The following CCP110 variants were observed in gnomAD, a reference collection of about 807,000 sequenced individuals.
CCP110 encodes the protein centriolar coiled-coil protein 110, also known as centriolar coiled-coil protein of 110 kDa.
CCP110 carries 43 observed loss-of-function variants against 105.5 expected under a neutral mutation model. The observed-to-expected ratio is 0.41, with a 90% CI of 0.32 to 0.53. The LOEUF is 0.53. Among genes scored for constraint, CCP110 ranks in the 20% least tolerant of loss-of-function variants. The pLI is 0.32. For missense variants in CCP110, 1,016 were observed against 1,189.1 expected (o/e 0.85, Z 2.14); for synonymous variants, 353 against 392.1 (o/e 0.90, Z 1.18).
chr16:19,543,295 A>T (rs769531755), intron 8 of CCP110, among the ~76,000 whole-genome samples: 3 of 152,226 alleles, frequency 2.0e-5, no homozygotes, highest in Admixed American at 6.5e-5. Flanking sequence ...CTGAACATAA[A>T]TTGTGAAGAT....
exon 4 of CCP110, chr16:19,536,814 C>T (rs1970079888): frequency 2.5e-6 from 4 of 1,614,128 alleles, no homozygotes; most frequent in Non-Finnish European, 3.4e-6. Flanking sequence ...CGTTCCAGGA[C>T]ATCATCAGCG....
intron 2 of CCP110, among the ~76,000 whole-genome samples, chr16:19,530,188 T>C (rs1238114143): frequency 6.6e-6 from 1 of 151,932 alleles, no homozygotes; most frequent in Non-Finnish European, 1.5e-5. Flanking sequence ...CAGAGTGAGA[T>C]ACTGTCTTTA....
intron 4 of CCP110, 41 bp downstream of exon 4, chr16:19,537,628 A>G: frequency 8.8e-7 from 1 of 1,132,138 alleles, no homozygotes; most frequent in Non-Finnish European, 1.3e-6. Flanking sequence ...CTATGCAGAT[A>G]CCTTTATTTT....
intron 9 of CCP110, 22 bp downstream of exon 9, chr16:19,544,920 G>A (rs767105903): frequency 7.1e-6 from 9 of 1,270,920 alleles, no homozygotes; most frequent in South Asian, 3.8e-5. Context: ...GATCCTGAAG[G>A]CTTTTAAGAC....
Position 19,548,192 on chromosome 16 carries a change from T to A in CCP110, c.2900+178T>A, listed in dbSNP as rs1970524506. 1.5e-6 allele frequency: 1 copy of A among 645,904 alleles called. No individual in the cohort carries two copies. Among genetic ancestry groups the A allele is most frequent in the African/African-American group, 1.8e-5 (1 of 54,906 alleles). 40.0% of individuals were successfully genotyped at this position (645,904 alleles called of 1,614,324 possible). A position where few individuals can be genotyped will look rare whatever the true frequency, so the allele number is the denominator to read the frequency against. On this transcript the variant is annotated intron_variant, in intron 13 of 14. Transcript: ENST00000381396. The surrounding 1 kb of genome is among the most constrained non-coding windows in gnomAD (Gnocchi z 4.1). Reference sequence around the variant, plus strand: ...GTCTTCAAATGTAACCCTCTTGGTGTACTGTTGTGTATTCTAATTACTGTC... The same window carrying A: ...GTCTTCAAATGTAACCCTCTTGGTGAACTGTTGTGTATTCTAATTACTGTC...
Position 19,532,557 on chromosome 16 carries a change from A to G in CCP110, c.270+13A>G, listed in dbSNP as rs1227597289. ...TGACAATGTTCAGGTGTGTGATTTT[A>G]GCTGTTTCAGTTATAATAAAGAAAT... On this transcript the variant is annotated intron_variant, in intron 3 of 14. Coordinates refer to ENST00000381396, the Ensembl canonical transcript of CCP110. The G allele has an allele frequency of 4.5e-6, 7 of 1,571,354 alleles. No homozygotes were observed. Among genetic ancestry groups the G allele is most frequent in the Non-Finnish European group, 6.0e-6 (7 of 1,166,056 alleles).
intron 2 of CCP110, among the ~76,000 whole-genome samples, chr16:19,530,351 A>C (rs552354599): frequency 5.5e-4 from 83 of 152,274 alleles, no homozygotes; most frequent in African/African-American, 1.9e-3. Flanking sequence ...CTGGAAGTGA[A>C]GTTTGATAAA....
intron 14 of CCP110, 74 bp from the exon 14 acceptor site, chr16:19,551,121 GT>G: frequency 1.1e-6 from 1 of 876,396 alleles, no homozygotes; most frequent in East Asian, 2.4e-5. Context: ...TTGTTCCAGA[GT>G]AAAAACTCAT....
intron 2 of CCP110, among the ~76,000 whole-genome samples, chr16:19,528,936 A>G (rs908478136): frequency 6.6e-6 from 1 of 152,080 alleles, no homozygotes; most frequent in Non-Finnish European, 1.5e-5. Flanking sequence ...GCAAGACCCT[A>G]TCCCAAAAGA....
At chr16:19,541,815 A>C in intron 5 of CCP110, 72 bp from the exon 6 acceptor site, 1 of 801,632 alleles carries the variant, frequency 1.2e-6, no homozygotes, top group Non-Finnish European at 1.9e-6. Flanking sequence ...ACTTTTGGCT[A>C]AGCCTAAAAT....
chr16:19,544,139 A>G (rs909684650), intron 8 of CCP110, among the ~76,000 whole-genome samples: 5 of 152,144 alleles, frequency 3.3e-5, no homozygotes, highest in African/African-American at 4.8e-5. Context: ...CCCAGCAGTA[A>G]AATTCCTCTC....
chr16:19,524,588 G>C (rs1472486324), intron 1 of CCP110, among the ~76,000 whole-genome samples: 1 of 152,148 alleles, frequency 6.6e-6, no homozygotes, highest in East Asian at 1.9e-4. Flanking sequence ...GCATAAACTT[G>C]AGGATAATAA....
At chr16:19,527,555 A>G (rs1969716124) in intron 1 of CCP110, among the ~76,000 whole-genome samples, 1 of 152,184 alleles carries the variant, frequency 6.6e-6, no homozygotes, top group South Asian at 2.1e-4. Context: ...TGAAGTTAGT[A>G]AAGATTTACA....
intron 8 of CCP110, among the ~76,000 whole-genome samples, chr16:19,543,367 T>A (rs1045810142): frequency 3.3e-5 from 5 of 152,248 alleles, no homozygotes; most frequent in African/African-American, 1.2e-4. Flanking sequence ...TTCTTATGCC[T>A]GTCTTTAATC....
exon 15 of CCP110, chr16:19,551,203 T>C (rs1337765160): frequency 1.2e-6 from 2 of 1,608,980 alleles, no homozygotes. Flanking sequence ...TAGGAGTATA[T>C]GCAGGAAAAA....
chr16:19,543,764 A>G (rs989762819), intron 8 of CCP110, among the ~76,000 whole-genome samples: 1 of 152,116 alleles, frequency 6.6e-6, no homozygotes, highest in African/African-American at 2.4e-5. Context: ...GATAAGGACT[A>G]AAATATGCCC....
exon 4 of CCP110, chr16:19,537,302 T>A: frequency 6.2e-7 from 1 of 1,614,188 alleles, no homozygotes; most frequent in East Asian, 2.2e-5. Context: ...GAATAAGTCT[T>A]ATGATGTAAA....
exon 15 of CCP110, chr16:19,552,986 CTG>C (rs1318041373): frequency 1.3e-5 from 2 of 152,190 alleles, no homozygotes; most frequent in African/African-American, 4.8e-5. Context: ...ATATGATAAA[CTG>C]TGCTTTATCA....
intron 2 of CCP110, among the ~76,000 whole-genome samples, chr16:19,530,556 G>A (rs1969828943): frequency 1.3e-5 from 2 of 151,974 alleles, no homozygotes; most frequent in Admixed American, 1.3e-4. Context: ...TGAGGCAGGA[G>A]GATCCCTTGA....
Sources: gnomAD v4.1 joint callset for allele counts (sites outside exome capture counted in the v4.1 genomes callset) on GRCh38, gnomAD v4.1.1 for gene constraint, Gnocchi (gnomAD v3.1) non-coding constraint, MANE v1.5 for transcripts, NCBI Gene and HGNC (gene_info 2026-07-23, HGNC 2026-07-21) for gene names.